BRI3BP: variants seen among roughly 807,000 people sequenced by gnomAD.
BRI3BP encodes BRI3-binding protein.
BRI3BP carries 7 observed loss-of-function variants against 15.8 expected under a neutral mutation model. That is an observed-to-expected ratio of 0.44 (90% CI 0.25 to 0.83). The LOEUF (loss-of-function observed/expected upper bound fraction) is 0.83. Ranked by LOEUF, BRI3BP falls within the 40% of genes least tolerant of loss-of-function variation. BRI3BP has a pLI of 0.20. For synonymous variants in BRI3BP, 192 were observed against 163.5 expected (o/e 1.17, Z -1.33); for missense variants, 320 against 339.3 (o/e 0.94, Z 0.45).
At chr12:125,040,861 G>A in the BRI3BP span, among the ~76,000 whole-genome samples, 1 of 151,140 alleles carries the variant, frequency 6.6e-6, no homozygotes, top group Non-Finnish European at 1.5e-5. Flanking sequence ...CTCCCAAGTA[G>A]CCGGGATTAC....
rs1351792612 is a variant in BRI3BP at position 125,027,790 on chromosome 12, C to G, written c.*2360C>G. ...GCAAGCTCCGCCTCCTGGGTTCACG[C>G]CATTCTCCTACCTCAGCCTCCCAAG... On this transcript the variant is annotated 3_prime_UTR_variant, in exon 3 of 3. Transcript: ENST00000341446. The G allele has an allele frequency of 6.6e-6, 1 of 152,146 alleles. No individual in the cohort carries two copies. The highest frequency in any genetic ancestry group is 1.5e-5 in the Non-Finnish European group (1 of 68,034). The allele number at this position is 152,146 out of a possible 1,614,324, so 9.4% of individuals were successfully genotyped here. A position where few individuals can be genotyped will look rare whatever the true frequency, so the allele number is the denominator to read the frequency against.
intron 2 of BRI3BP, among the ~76,000 whole-genome samples, chr12:125,013,348 C>T (rs1955213047): frequency 6.6e-6 from 1 of 152,208 alleles, no homozygotes. Flanking sequence ...GCCGAACTGG[C>T]TGTCCAGGGT....
chr12:125,029,952 T>C lies in BRI3BP; in HGVS notation c.*4522T>C, dbSNP rs1470850070. The C allele has an allele frequency of 6.6e-6, 1 of 152,268 alleles. No individual in the cohort carries two copies. Among genetic ancestry groups the C allele is most frequent in the East Asian group, 1.9e-4 (1 of 5,196 alleles). The allele number at this position is 152,268 out of a possible 1,614,324, so 9.4% of individuals were successfully genotyped here. A position where few individuals can be genotyped will look rare whatever the true frequency, so the allele number is the denominator to read the frequency against. ...TTAGGAAGACTATAATATGACTTTG[T>C]GCATGCCCGGGAGGGCTGCCTTGTA... On this transcript the variant is annotated 3_prime_UTR_variant, in exon 3 of 3. Transcript: ENST00000341446.
chr12:125,001,753 A>G (rs1955093643), intron 1 of BRI3BP, among the ~76,000 whole-genome samples: 1 of 151,398 alleles, frequency 6.6e-6, no homozygotes, highest in Non-Finnish European at 1.5e-5. Flanking sequence ...GCTATAATTC[A>G]TATACCATAC....
chr12:125,036,619 T>G, the BRI3BP span, among the ~76,000 whole-genome samples: 2 of 152,182 alleles, frequency 1.3e-5, no homozygotes, highest in African/African-American at 4.8e-5. Context: ...CTCAACATCA[T>G]GCAAGTCCCT....
intron 1 of BRI3BP, among the ~76,000 whole-genome samples, chr12:125,003,613 A>G (rs868130954): frequency 6.6e-6 from 1 of 152,102 alleles, no homozygotes; most frequent in South Asian, 2.1e-4. Flanking sequence ...TCACCTTTGC[A>G]TATTTCAGTT....
chr12:125,024,204 AAG>A (rs1193339533), intron 2 of BRI3BP, among the ~76,000 whole-genome samples: 2 of 152,136 alleles, frequency 1.3e-5, no homozygotes, highest in African/African-American at 2.4e-5. Context: ...GCAGGAGAGA[AAG>A]AGAGAGCAAA....
downstream of BRI3BP, among the ~76,000 whole-genome samples, chr12:125,033,813 C>T (rs1052620137): frequency 9.3e-5 from 14 of 151,190 alleles, no homozygotes; most frequent in African/African-American, 2.4e-5. Context: ...TGAGATCTCG[C>T]CTCACTGCAA....
In BRI3BP at chr12:125,025,002, T is replaced by A. The variant is rs776367156; in HGVS notation, c.328T>A (p.Ser110Thr). ...DVLGLDVSNLSQYFSPASVSS... is the reference protein window; with the variant it reads ...DVLGLDVSNLTQYFSPASVSS... ...TTTCTGTCCCGCAGTCTCCAACCTG[T>A]CCCAGTATTTCAGCCCAGCCTCGGT... Residue 110 changes from serine (S) to threonine (T), a missense_variant, in exon 3 of 3, where the codon TCC becomes ACC. Physicochemically the swap from Ser to Thr is moderately conservative, Grantham distance 58. Coordinates refer to ENST00000341446, the MANE Select transcript of BRI3BP (RefSeq NM_080626.6). 3 of 1,612,484 alleles carry A rather than the reference T, an allele frequency of 1.9e-6. No homozygotes were observed. The East Asian group carries it at 6.7e-5, about 36-fold the overall frequency.
rs376276048 is a variant in BRI3BP at position 125,001,614 on chromosome 12, G to A, written c.213+7611G>A. Among the ~76,000 whole-genome samples, 79 of 152,146 alleles carry A rather than the reference G, an allele frequency of 5.2e-4. 2 individuals are homozygous for A. Among genetic ancestry groups the A allele is most frequent in the African/African-American group, 1.8e-3 (74 of 41,524 alleles). ...GGTCTCTTGACTCCTGGGCTCATGC[G>A]ATCCTCCCGCCTTGGCCTCCCAAAG... On this transcript the variant is annotated intron_variant, in intron 1 of 2. Transcript: ENST00000341446.
At chr12:125,008,437 T>C (rs560187487) in intron 1 of BRI3BP, among the ~76,000 whole-genome samples, 54 of 151,582 alleles carry the variant, frequency 3.6e-4, no homozygotes, top group African/African-American at 1.2e-3. Context: ...TTCAGCCTCC[T>C]GTGTAGCTGG....
chr12:125,002,920 T>C (rs1955108419), intron 1 of BRI3BP, among the ~76,000 whole-genome samples: 1 of 152,226 alleles, frequency 6.6e-6, no homozygotes, highest in Non-Finnish European at 1.5e-5. Flanking sequence ...GTTTGTGCCA[T>C]CGCATTCTCG....
At chr12:124,994,770 T>C (rs1176603278) in intron 1 of BRI3BP, among the ~76,000 whole-genome samples, 1 of 152,044 alleles carries the variant, frequency 6.6e-6, no homozygotes, top group Non-Finnish European at 1.5e-5. Flanking sequence ...TGGGGACAGT[T>C]GTGTGTGGTA....
chr12:125,028,429 T>C lies in BRI3BP; in HGVS notation c.*2999T>C, dbSNP rs946790122. 2.6e-4 allele frequency: 39 copies of C among 152,246 alleles called. No individual in the cohort carries two copies. Among genetic ancestry groups the C allele is most frequent in the African/African-American group, 8.0e-4 (33 of 41,476 alleles). The allele number at this position is 152,246 out of a possible 1,614,324, so 9.4% of individuals were successfully genotyped here. On this transcript the variant is annotated 3_prime_UTR_variant, in exon 3 of 3. Coordinates refer to ENST00000341446, the MANE Select transcript of BRI3BP (RefSeq NM_080626.6). ...TTGTATTCAACTGAGGGAGGTAACA[T>C]GATATCTGGGTGCTGGTGGATTGAG...
chr12:125,019,823 C>T (rs1266747201), intron 2 of BRI3BP, among the ~76,000 whole-genome samples: 1 of 151,774 alleles, frequency 6.6e-6, no homozygotes, highest in Non-Finnish European at 1.5e-5. Context: ...TGCCACTGTT[C>T]TCAGAGTGGT....
intron 2 of BRI3BP, among the ~76,000 whole-genome samples, chr12:125,014,024 C>T (rs1594533578): frequency 6.6e-6 from 1 of 152,276 alleles, no homozygotes; most frequent in Non-Finnish European, 1.5e-5. Flanking sequence ...GGAGCTAACC[C>T]GGGCAGAGTG....
Position 124,993,960 on chromosome 12 carries a change from T to C in BRI3BP, c.170T>C (p.Val57Ala). ...RRTVNTFSQS[V>A]SSLFGEDNVR... ...ACGGTCAACACCTTCTCCCAGAGCG[T>C]CAGCAGCCTGTTCGGCGAGGACAAC... Residue 57 changes from valine (V) to alanine (A), a missense_variant, in exon 1 of 3, where the codon GTC becomes GCC. Val to Ala is a moderately conservative substitution (Grantham distance 64, BLOSUM62 0). Coordinates refer to ENST00000341446, the MANE Select transcript of BRI3BP (RefSeq NM_080626.6). The C allele has an allele frequency of 1.5e-6, 2 of 1,364,612 alleles. No individual in the cohort carries two copies. The highest frequency in any genetic ancestry group is 1.5e-5 in the African/African-American group (1 of 65,564). The allele number at this position is 1,364,612 out of a possible 1,614,324, so 84.5% of individuals were successfully genotyped here.
At chr12:125,039,098 A>T in the BRI3BP span, among the ~76,000 whole-genome samples, 1 of 152,202 alleles carries the variant, frequency 6.6e-6, no homozygotes, top group African/African-American at 2.4e-5. Context: ...TCAAAAAATA[A>T]AAAAACCCCA....
chr12:125,022,518 A>AT (rs1955307405), intron 2 of BRI3BP, among the ~76,000 whole-genome samples: 1 of 144,378 alleles, frequency 6.9e-6, no homozygotes, highest in Non-Finnish European at 1.5e-5. Context: ...TTGTTAATTT[A>AT]TTATTTATTT....
Sources: allele counts gnomAD v4.1 joint callset (sites outside exome capture counted in the v4.1 genomes callset), GRCh38; gene constraint gnomAD v4.1.1; transcripts MANE v1.5; gene names NCBI Gene and HGNC (gene_info 2026-07-23, HGNC 2026-07-21).